The following NDRG2 variants were observed in gnomAD, a reference collection of about 807,000 sequenced individuals.
NDRG2 encodes the protein protein NDRG2.
In NDRG2, 34 loss-of-function variants were observed where a neutral mutation model predicts 58.2. The ratio of observed to expected loss-of-function variants is 0.58; its 90% CI spans 0.44 to 0.78. NDRG2 has a LOEUF of 0.78. NDRG2 is among the 30% of genes least tolerant of loss of function. NDRG2 has a pLI of 0.00. For synonymous variants in NDRG2, 187 were observed against 175.9 expected (o/e 1.06, Z -0.50); for missense variants, 434 against 471.2 (o/e 0.92, Z 0.73).
In NDRG2 at chr14:21,016,801, C is replaced by T. The variant is rs1005581002; in HGVS notation, c.*795G>A. On this transcript the variant is annotated 3_prime_UTR_variant, in exon 16 of 16. Transcript: ENST00000556147. ...ATTCCTCTACAGTTTATTGTTATAG[C>T]AGAAGTTGTGGGAGACGGGAGGGCA... is the stretch of plus-strand genomic sequence containing the variant. 3 of 450,902 alleles carry T rather than the reference C, an allele frequency of 6.7e-6. No homozygotes were observed. The Middle Eastern group carries it at 9.8e-4, about 148-fold the overall frequency. The allele number at this position is 450,902 out of a possible 1,614,324, so 27.9% of individuals were successfully genotyped here. A position where few individuals can be genotyped will look rare whatever the true frequency, so the allele number is the denominator to read the frequency against.
chr14:21,070,433 C>A lies in NDRG2; in HGVS notation c.24+395G>T, dbSNP rs959041992. 3 of 1,395,336 alleles carry A rather than the reference C, an allele frequency of 2.2e-6. No individual in the cohort carries two copies. Among genetic ancestry groups the A allele is most frequent in the African/African-American group, 1.5e-5 (1 of 65,964 alleles). 86.4% of individuals were successfully genotyped at this position (1,395,336 alleles called of 1,614,324 possible). On this transcript the variant is annotated intron_variant, in intron 1 of 14. Coordinates refer to the NDRG2 transcript ENST00000403829. This position sits in a 1 kb window ranked among gnomAD's most constrained non-coding sequence, Gnocchi z 4.7. ...AGCGTCGCAGCCCCCTGGGTCCCCTCGGCCTTCGCGCAGCCCGCTCCGGGC... is the reference window on the plus strand; with the variant it reads ...AGCGTCGCAGCCCCCTGGGTCCCCTAGGCCTTCGCGCAGCCCGCTCCGGGC...
At chr14:21,025,112 GGCCCGCCCCA>G (rs1451171376), upstream of NDRG2, 11 of 976,050 alleles carry the variant, frequency 1.1e-5, no homozygotes, top group East Asian at 4.7e-4. This position sits in a 1 kb window ranked among gnomAD's most constrained non-coding sequence, Gnocchi z 5.1. Flanking sequence ...ACCCGCCCCC[GGCCCGCCCCA>G]GCCCGCCCAC....
intron 1 of NDRG2, 103 bp downstream of exon 1, chr14:21,023,925 ACT>A (rs1275487815): frequency 1.1e-5 from 11 of 976,780 alleles, no homozygotes; most frequent in Admixed American, 6.0e-5. Context: ...CTTCCTCCCA[ACT>A]CTGAATAAAC....
rs1878512886 is a variant in NDRG2, at chr14:21,018,984, G to A, written c.761+132C>T. The A allele has an allele frequency of 9.5e-6, 12 of 1,262,588 alleles. No homozygotes were observed. The East Asian group carries it at 2.8e-4, about 30-fold the overall frequency. The allele number at this position is 1,262,588 out of a possible 1,614,324, so 78.2% of individuals were successfully genotyped here. A position where few individuals can be genotyped will look rare whatever the true frequency, so the allele number is the denominator to read the frequency against. On this transcript the variant is annotated intron_variant, in intron 11 of 15. Coordinates refer to ENST00000556147, the MANE Select transcript of NDRG2 (RefSeq NM_001320329.2). ...AAAGGGGGAAGACCTAGAGGGAAGT[G>A]ATTTACCAAATAGGATGGGGTGGGA...
chr14:21,058,093 C>A, intron 1 of NDRG2: 2 of 1,614,156 alleles, frequency 1.2e-6, no homozygotes, highest in Non-Finnish European at 1.7e-6. Context: ...GCAAAGACCT[C>A]AACACCTTCC....
Position 21,017,567 on chromosome 14 carries a change from G to A in NDRG2, c.*29C>T. ...GTTAGCTCTGGGGGAGGTGAGGGCT[G>A]GGTCCCACTCTAGGGCAACAAGGGC... On this transcript the variant is annotated 3_prime_UTR_variant, in exon 16 of 16. Transcript: ENST00000556147. 1 of 1,604,438 alleles carries A rather than the reference G, an allele frequency of 6.2e-7. No homozygotes were observed. The highest frequency in any genetic ancestry group is 8.5e-7 in the Non-Finnish European group (1 of 1,175,168).
chr14:21,060,928 A>G (rs1457029241), intron 1 of NDRG2, among the ~76,000 whole-genome samples: 1 of 152,204 alleles, frequency 6.6e-6, no homozygotes, highest in Non-Finnish European at 1.5e-5. Context: ...TCTTTTGTCC[A>G]AATAGCACTG....
At chr14:21,042,226 G>A (rs1041946134) in intron 1 of NDRG2, 7 of 152,284 alleles carry the variant, frequency 4.6e-5, no homozygotes, top group African/African-American at 1.4e-4. Flanking sequence ...AGGTGTCCAC[G>A]TATTTGGGAC....
rs1416846114 is a variant in NDRG2 at position 21,017,988 on chromosome 14, G to A, written c.948C>T (p.Tyr316=). The change falls in exon 15 of 16, where the codon TAC becomes TAT. Residue 316 remains tyrosine (Y), a splice_region_variant and synonymous_variant. Transcript: ENST00000556147. ...GCAAGCTCTTGTCCCGATACTCACT[G>A]TAGCCCATGCCTTGCAGGAAGTACT... is the stretch of plus-strand genomic sequence containing the variant. ...AFKYFLQGMG[Y]MASSCMTRLS... 2 of 1,614,178 alleles carry A rather than the reference G, an allele frequency of 1.2e-6. No homozygotes were observed. Among genetic ancestry groups the A allele is most frequent in the Admixed American group, 1.7e-5 (1 of 60,022 alleles).
At chr14:21,027,686 C>T (rs903400474), upstream of NDRG2, among the ~76,000 whole-genome samples, 1 of 152,210 alleles carries the variant, frequency 6.6e-6, no homozygotes, top group Non-Finnish European at 1.5e-5. Flanking sequence ...ATTATTTACT[C>T]AGTTCACACT....
At chr14:21,033,175 G>A in intron 1 of NDRG2, 1 of 367,382 alleles carries the variant, frequency 2.7e-6, no homozygotes, top group Non-Finnish European at 5.3e-6. Flanking sequence ...TACGGTTGTT[G>A]GGAGTGTGGG....
intron 1 of NDRG2, among the ~76,000 whole-genome samples, chr14:21,051,259 T>C (rs575214704): frequency 2.6e-5 from 4 of 152,170 alleles, no homozygotes; most frequent in Non-Finnish European, 4.4e-5. Flanking sequence ...GGCTAGGGCA[T>C]TGGAAAGGTC....
chr14:21,025,713 C>T, upstream of NDRG2: 3 of 973,368 alleles, frequency 3.1e-6, no homozygotes, highest in Non-Finnish European at 2.4e-6. The surrounding 1 kb of genome is among the most constrained non-coding windows in gnomAD (Gnocchi z 5.1). Flanking sequence ...GCCTGCTCTC[C>T]GGCTGCTCCG....
chr14:21,017,797 A>G (rs563421269), intron 15 of NDRG2, 35 bp from the exon 16 acceptor site: 1 of 1,604,362 alleles, frequency 6.2e-7, no homozygotes, highest in Admixed American at 1.7e-5. Flanking sequence ...GCAGTCAGAG[A>G]GGAAGTGGGG....
At chr14:21,067,761 T>TACGC (rs1555335812) in intron 1 of NDRG2, among the ~76,000 whole-genome samples, 1 of 150,022 alleles carries the variant, frequency 6.7e-6, no homozygotes, top group Admixed American at 6.6e-5. Context: ...TGTACACACG[T>TACGC]ACACACACAC....
At chr14:21,043,882 GA>G (rs1431526536) in intron 1 of NDRG2, 1 of 186,118 alleles carries the variant, frequency 5.4e-6, no homozygotes, top group African/African-American at 2.4e-5. Context: ...CTGAAGGAAA[GA>G]AAAATATAAA....
chr14:21,070,522 T>C lies in NDRG2; in HGVS notation c.24+306A>G. The C allele has an allele frequency of 8.4e-7, 1 of 1,187,978 alleles. No individual in the cohort carries two copies. The highest frequency in any genetic ancestry group is 1.1e-6 in the Non-Finnish European group (1 of 892,898). 73.6% of individuals were successfully genotyped at this position (1,187,978 alleles called of 1,614,324 possible). On this transcript the variant is annotated intron_variant, in intron 1 of 14. Coordinates refer to the NDRG2 transcript ENST00000403829. The surrounding 1 kb of genome is among the most constrained non-coding windows in gnomAD (Gnocchi z 4.7). ...GGACTGTTCGGCCCCTCTGGGACTC[T>C]CCTCCCTCCCATCCCCCCTTCTTCG...
At position 21,017,551 on chromosome 14, in the gene NDRG2, G is replaced by A; in HGVS notation, c.*45C>T. 6.3e-7 allele frequency: 1 copy of A among 1,588,716 alleles called. No homozygotes were observed. ...CTTCAGCACCTCCCAGGTTAGCTCT[G>A]GGGGAGGTGAGGGCTGGGTCCCACT... On this transcript the variant is annotated 3_prime_UTR_variant, in exon 16 of 16. Transcript: ENST00000556147.
In NDRG2 at chr14:21,033,741, T is replaced by A. The variant is rs745801293; in HGVS notation, c.25-10420A>T. 7 of 1,024,544 alleles carry A rather than the reference T, an allele frequency of 6.8e-6. No individual in the cohort carries two copies. The African/African-American group carries it at 1.1e-4, about 16-fold the overall frequency. The allele number at this position is 1,024,544 out of a possible 1,614,324, so 63.5% of individuals were successfully genotyped here. On this transcript the variant is annotated intron_variant, in intron 1 of 14. Transcript: ENST00000403829. ...CCTGCCTCGTAAGTCAGGAAGGAAG[T>A]CTTGTTACAGGGATCAGAGTGTTGG... is the stretch of plus-strand genomic sequence containing the variant.
Sources: allele counts gnomAD v4.1 joint callset (sites outside exome capture counted in the v4.1 genomes callset), GRCh38; gene constraint gnomAD v4.1.1; non-coding constraint Gnocchi (gnomAD v3.1); transcripts MANE v1.5; gene names NCBI Gene and HGNC (gene_info 2026-07-23, HGNC 2026-07-21).